FMN1: variants seen among roughly 807,000 people sequenced by gnomAD.
The protein encoded by FMN1 is formin 1, also known as formin-1.
FMN1 carries 110 observed loss-of-function variants against 132.4 expected under a neutral mutation model. The ratio of observed to expected loss-of-function variants is 0.83; its 90% CI spans 0.71 to 0.97. FMN1 has a LOEUF of 0.97. FMN1 is among the 50% of genes least tolerant of loss of function. The probability of loss-of-function intolerance (pLI) is 0.00; values close to 1 mark genes in which losing one functional copy is unlikely to be tolerated. For synonymous variants in FMN1, 722 were observed against 651.7 expected, an observed-to-expected ratio of 1.11 and a Z score of -1.64; for missense variants, 1,792 against 1,705.3, an observed-to-expected ratio of 1.05 and a Z score of -0.90.
intron 16 of FMN1, among the ~76,000 whole-genome samples, chr15:32,867,436 C>T (rs1353751795): frequency 1.3e-5 from 2 of 152,190 alleles, no homozygotes; most frequent in African/African-American, 4.8e-5. Context: ...TGCCACTCTC[C>T]TTCACTTCCT....
At chr15:32,819,872 A>G (rs2058162903) in intron 17 of FMN1, among the ~76,000 whole-genome samples, 1 of 152,236 alleles carries the variant, frequency 6.6e-6, no homozygotes, top group Non-Finnish European at 1.5e-5. Context: ...TGTCATTTAT[A>G]TAATGAAATT....
chr15:32,872,519 A>C lies in FMN1; in HGVS notation c.3836-15412T>G, dbSNP rs140512519. ...AATACTAAATATGTCCTCTGAAGTCAAAATGCATATTTTGTGGCAATTTTT... is the reference window on the plus strand; with the variant it reads ...AATACTAAATATGTCCTCTGAAGTCCAAATGCATATTTTGTGGCAATTTTT... On this transcript the variant is annotated intron_variant, in intron 16 of 20. Coordinates refer to ENST00000616417, the MANE Select transcript of FMN1 (RefSeq NM_001277313.2). Among the ~76,000 whole-genome samples the C allele has an allele frequency of 6.9e-3, 1,054 of 152,366 alleles. 14 individuals are homozygous for C. The highest frequency in any genetic ancestry group is 0.024 in the African/African-American group (994 of 41,584).
chr15:33,159,131 G>A (rs767200893), intron 3 of FMN1, among the ~76,000 whole-genome samples: 9 of 152,202 alleles, frequency 5.9e-5, no homozygotes, highest in Admixed American at 3.3e-4. Flanking sequence ...GCAGTGAGCC[G>A]AGATTGTGCC....
At position 32,772,211 on chromosome 15, in the gene FMN1, CCA is replaced by C. The variant is rs2056269950; in HGVS notation, c.*2097_*2098del. On this transcript the variant is annotated 3_prime_UTR_variant, in exon 21 of 21. Transcript: ENST00000616417. ...CACTGGTTCCTGAAGGGTTACGTGG[CCA>C]CAGTGGCAGCCCTGCTTACCTTCAC... is the stretch of plus-strand genomic sequence containing the variant. 2.6e-5 allele frequency: 4 copies of C among 152,248 alleles called. No individual in the cohort carries two copies. The highest frequency in any genetic ancestry group is 2.6e-4 in the Admixed American group (4 of 15,280). The allele number at this position is 152,248 out of a possible 1,614,324, so 9.4% of individuals were successfully genotyped here.
At chr15:32,975,923 C>T (rs563404342) in intron 7 of FMN1, among the ~76,000 whole-genome samples, 2 of 152,020 alleles carry the variant, frequency 1.3e-5, no homozygotes, top group Admixed American at 6.6e-5. Flanking sequence ...GAGATATCAT[C>T]GAAGGAACAC....
chr15:32,972,888 T>G (rs1469357886), intron 7 of FMN1, among the ~76,000 whole-genome samples: 1 of 152,228 alleles, frequency 6.6e-6, no homozygotes, highest in Non-Finnish European at 1.5e-5. Flanking sequence ...AACCCCAATG[T>G]GTTCCTCCTC....
chr15:32,919,812 C>G (rs2060776742), intron 10 of FMN1, among the ~76,000 whole-genome samples: 1 of 152,154 alleles, frequency 6.6e-6, no homozygotes, highest in South Asian at 2.1e-4. Flanking sequence ...ACGTTTTAGA[C>G]AACTTGCATA....
At chr15:33,090,401 C>G (rs1310520318) in intron 4 of FMN1, among the ~76,000 whole-genome samples, 1 of 152,114 alleles carries the variant, frequency 6.6e-6, no homozygotes, top group Admixed American at 6.5e-5. Context: ...TTGAAAACAG[C>G]TAAGGTTTGG....
intron 19 of FMN1, among the ~76,000 whole-genome samples, chr15:32,785,184 G>GTGTC: frequency 3.0e-5 from 1 of 33,014 alleles, no homozygotes; most frequent in East Asian, 8.1e-4. Context: ...GTGTGTGTGT[G>GTGTC]TGTGTGTGTG....
chr15:33,073,770 A>C (rs1372433263), intron 5 of FMN1, among the ~76,000 whole-genome samples: 1 of 147,178 alleles, frequency 6.8e-6, no homozygotes, highest in Non-Finnish European at 1.5e-5. Flanking sequence ...TCACTGCGTT[A>C]CCCAGGCTGA....
intron 17 of FMN1, among the ~76,000 whole-genome samples, chr15:32,851,004 G>C (rs1339625883): frequency 6.6e-6 from 1 of 151,936 alleles, no homozygotes; most frequent in Non-Finnish European, 1.5e-5. Context: ...CTTGCAGTGA[G>C]CCAAGATCGC....
chr15:33,092,804 C>A (rs1447778650), intron 4 of FMN1, among the ~76,000 whole-genome samples: 2 of 152,156 alleles, frequency 1.3e-5, no homozygotes, highest in Non-Finnish European at 2.9e-5. Flanking sequence ...AGACATTAAA[C>A]CTTTTCAGCT....
chr15:32,866,384 T>C (rs1358947715), intron 16 of FMN1, among the ~76,000 whole-genome samples: 2 of 152,110 alleles, frequency 1.3e-5, no homozygotes, highest in African/African-American at 4.8e-5. Context: ...GAGGACTAAA[T>C]AAACATGTGA....
intron 7 of FMN1, among the ~76,000 whole-genome samples, chr15:32,978,152 C>T (rs982522663): frequency 2.6e-5 from 4 of 152,104 alleles, no homozygotes; most frequent in African/African-American, 7.2e-5. Context: ...CTGCACCCAG[C>T]CTATTCATTA....
chr15:32,794,095 G>T (rs2140955760), intron 19 of FMN1, among the ~76,000 whole-genome samples: 1 of 152,156 alleles, frequency 6.6e-6, no homozygotes, highest in African/African-American at 2.4e-5. Context: ...AAAGGGTACA[G>T]CAGTTCCATA....
chr15:32,899,895 C>A, intron 14 of FMN1, 84 bp downstream of exon 14: 1 of 1,363,024 alleles, frequency 7.3e-7, no homozygotes. Flanking sequence ...ATAAATGGAA[C>A]AATCTGGAAT....
intron 16 of FMN1, among the ~76,000 whole-genome samples, chr15:32,865,136 G>A (rs2059363468): frequency 6.6e-6 from 1 of 151,992 alleles, no homozygotes; most frequent in South Asian, 2.1e-4. Flanking sequence ...CAGCTAAGGG[G>A]GTAAGGGAGA....
intron 7 of FMN1, among the ~76,000 whole-genome samples, chr15:33,001,197 C>T (rs774214746): frequency 6.6e-6 from 1 of 152,018 alleles, no homozygotes; most frequent in African/African-American, 2.4e-5. Context: ...GCAAGAGAAC[C>T]GCTTAAATCT....
chr15:33,126,698 G>A (rs1026685634), intron 4 of FMN1, among the ~76,000 whole-genome samples: 6 of 132,244 alleles, frequency 4.5e-5, no homozygotes, highest in African/African-American at 1.1e-4. Flanking sequence ...AGGAAGCGAA[G>A]GCAATAAAAG....
Sources: gnomAD v4.1 joint callset for allele counts (sites outside exome capture counted in the v4.1 genomes callset) on GRCh38, gnomAD v4.1.1 for gene constraint, MANE v1.5 for transcripts, NCBI Gene and HGNC (gene_info 2026-07-23, HGNC 2026-07-21) for gene names.